Variants in MAST4 observed in about 807,000 individuals in gnomAD.
MAST4 encodes microtubule-associated serine/threonine-protein kinase 4.
In MAST4, 89 loss-of-function variants were observed where a neutral mutation model predicts 162.7. The ratio of observed to expected loss-of-function variants is 0.55; its 90% CI spans 0.46 to 0.65. MAST4 has a LOEUF of 0.65. Among genes scored for constraint, MAST4 ranks in the 30% least tolerant of loss-of-function variants. MAST4 has a pLI of 0.00. For missense variants in MAST4, 3,153 were observed against 3,374.0 expected (o/e 0.93, Z 1.62); for synonymous variants, 1,479 against 1,361.1 (o/e 1.09, Z -1.91).
intron 2 of MAST4, among the ~76,000 whole-genome samples, chr5:66,779,393 C>CT (rs57118930): frequency 0.049 from 5,680 of 116,626 alleles, 334 homozygotes; most frequent in African/African-American, 0.14. Context: ...ACACATAGCA[C>CT]TTTTTTTTTT....
At chr5:66,828,741 GT>G in intron 3 of MAST4, 1 of 1,528,948 alleles carries the variant, frequency 6.5e-7, no homozygotes, top group Non-Finnish European at 8.9e-7. Context: ...AGAGCGTGAT[GT>G]AAGTGTTTAG....
At chr5:67,115,031 G>A (rs1054853510) in intron 12 of MAST4, 1 of 131,762 alleles carries the variant, frequency 7.6e-6, no homozygotes, top group African/African-American at 3.0e-5. Flanking sequence ...GGGCGACAGA[G>A]TGAAACTCCG....
At chr5:67,147,663 A>C (rs1041968741) in intron 23 of MAST4, among the ~76,000 whole-genome samples, 5 of 152,222 alleles carry the variant, frequency 3.3e-5, no homozygotes, top group Admixed American at 3.3e-4. Context: ...CATCCAAACC[A>C]AATTACAAAG....
chr5:66,825,653 C>T (rs1187993909), intron 3 of MAST4, among the ~76,000 whole-genome samples: 1 of 152,006 alleles, frequency 6.6e-6, no homozygotes, highest in African/African-American at 2.4e-5. Context: ...TGCAATAATT[C>T]TTAAAATTTA....
intron 4 of MAST4, chr5:67,005,063 A>G (rs1438653446): frequency 1.3e-6 from 1 of 770,938 alleles, no homozygotes; most frequent in African/African-American, 1.7e-5. Context: ...GAGGAGTGGG[A>G]ACAGGCTTCG....
chr5:66,636,007 G>C (rs914553772), intron 1 of MAST4, among the ~76,000 whole-genome samples: 8 of 118,408 alleles, frequency 6.8e-5, no homozygotes, highest in Admixed American at 4.6e-4. Context: ...CACCAGGCTA[G>C]AGTGCAGTTG....
chr5:66,700,340 CT>C (rs915724208), intron 1 of MAST4, among the ~76,000 whole-genome samples: 23 of 151,536 alleles, frequency 1.5e-4, no homozygotes, highest in Middle Eastern at 3.4e-3. Flanking sequence ...TGTTCTCGCT[CT>C]TTTTTTTTGT....
intron 4 of MAST4, among the ~76,000 whole-genome samples, chr5:66,992,267 TC>T (rs1750146971): frequency 6.6e-6 from 1 of 152,174 alleles, no homozygotes; most frequent in Non-Finnish European, 1.5e-5. Flanking sequence ...AGTAAATAAG[TC>T]ATCTACTCTT....
chr5:67,077,459 G>C (rs1285688387), intron 5 of MAST4, among the ~76,000 whole-genome samples: 3 of 152,178 alleles, frequency 2.0e-5, no homozygotes, highest in Non-Finnish European at 4.4e-5. Context: ...CTTGATAAAA[G>C]TAAGGGCCCC....
chr5:67,090,380 C>T (rs1763712656), intron 6 of MAST4, 149 bp downstream of exon 6: 2 of 381,662 alleles, frequency 5.2e-6, no homozygotes, highest in Non-Finnish European at 9.7e-6. Flanking sequence ...CCCTTCTGCC[C>T]CTCCCCACTT....
rs1240400584 is a variant in MAST4 at position 66,700,798 on chromosome 5, T to TACAC, written c.364-58910_364-58909insCACA. Among the ~76,000 whole-genome samples, 638 of 136,206 alleles carry TACAC rather than the reference T, an allele frequency of 4.7e-3. 2 individuals are homozygous for TACAC. The highest frequency in any genetic ancestry group is 0.012 in the African/African-American group (469 of 37,598). 89.4% of individuals were successfully genotyped at this position (136,206 alleles called of 152,430 possible). A position where few individuals can be genotyped will look rare whatever the true frequency, so the allele number is the denominator to read the frequency against. On this transcript the variant is annotated intron_variant, in intron 1 of 28. Coordinates refer to ENST00000403625, the MANE Select transcript of MAST4 (RefSeq NM_001164664.2). ...AAAAAAAATTATATATATATATATA[T>TACAC]ATACACACACACACACACACACACA...
intron 4 of MAST4, among the ~76,000 whole-genome samples, chr5:66,995,653 G>A (rs566513536): frequency 2.0e-5 from 3 of 152,144 alleles, no homozygotes; most frequent in South Asian, 2.1e-4. Flanking sequence ...CACCTGCCTC[G>A]GCCTCCCAAA....
intron 3 of MAST4, among the ~76,000 whole-genome samples, chr5:66,884,466 G>C (rs1266659207): frequency 1.3e-5 from 2 of 152,120 alleles, no homozygotes; most frequent in Non-Finnish European, 2.9e-5. Context: ...ATTCATATTG[G>C]ACTGTCATTC....
At chr5:66,660,247 G>C (rs149902966) in intron 1 of MAST4, among the ~76,000 whole-genome samples, 4,118 of 152,204 alleles carry the variant, frequency 0.027, 206 homozygotes, top group African/African-American at 0.093. Flanking sequence ...AATTAGCTGG[G>C]CATGCTGGTG....
At chr5:66,751,441 G>A (rs556899272) in intron 1 of MAST4, among the ~76,000 whole-genome samples, 5 of 152,280 alleles carry the variant, frequency 3.3e-5, no homozygotes, top group Admixed American at 1.3e-4. Context: ...ATACAGAGAA[G>A]TGCTTAAAGG....
At chr5:66,668,104 C>T (rs1158465515) in intron 1 of MAST4, among the ~76,000 whole-genome samples, 1 of 152,064 alleles carries the variant, frequency 6.6e-6, no homozygotes, top group African/African-American at 2.4e-5. Flanking sequence ...CAAAGCTGTG[C>T]TAATTTGGAA....
At chr5:66,828,800 A>G (rs1364806156) in intron 3 of MAST4, 2 of 1,596,102 alleles carry the variant, frequency 1.3e-6, no homozygotes, top group South Asian at 1.1e-5. Context: ...GTAGTACAGC[A>G]TGGCTAGACT....
chr5:67,005,232 A>G (rs1385851009), intron 4 of MAST4: 1 of 646,500 alleles, frequency 1.5e-6, no homozygotes, highest in African/African-American at 1.8e-5. Flanking sequence ...GGGAGGGGGT[A>G]CTGTTTCAGG....
rs554223535 is a variant in MAST4, at chr5:67,165,959, C to T, written c.6780C>T (p.Ala2260=). 1.2e-6 allele frequency: 2 copies of T among 1,613,434 alleles called. No homozygotes were observed. The highest frequency in any genetic ancestry group is 2.7e-5 in the African/African-American group (2 of 75,044). The change falls in exon 29 of 29, where the codon GCC becomes GCT. Residue 2260 remains alanine (A), a synonymous_variant. Coordinates refer to ENST00000403625, the MANE Select transcript of MAST4 (RefSeq NM_001164664.2). Reference sequence around the variant, plus strand: ...CTACCCCAGGCTCCCAGAACAAAGCCAGCGATGGGATTGGCCAGGGAGAAG... The same window carrying T: ...CTACCCCAGGCTCCCAGAACAAAGCTAGCGATGGGATTGGCCAGGGAGAAG... The part of the protein sequence containing the change: ...FPATPGSQNK[A]SDGIGQGEGG...
Sources: allele counts gnomAD v4.1 joint callset (sites outside exome capture counted in the v4.1 genomes callset), GRCh38; gene constraint gnomAD v4.1.1; transcripts MANE v1.5; gene names NCBI Gene and HGNC (gene_info 2026-07-23, HGNC 2026-07-21).